The following PLEKHM3 variants were observed in gnomAD, a reference collection of about 807,000 sequenced individuals.
The protein encoded by PLEKHM3 is pleckstrin homology domain containing M3.
In PLEKHM3, 45 loss-of-function variants were observed where a neutral mutation model predicts 81.8. The ratio of observed to expected loss-of-function variants is 0.55; its 90% CI spans 0.43 to 0.71. The LOEUF (loss-of-function observed/expected upper bound fraction) is 0.71. PLEKHM3 is among the 30% of genes least tolerant of loss of function. The probability of loss-of-function intolerance (pLI) is 0.00; values close to 1 mark genes in which losing one functional copy is unlikely to be tolerated. For missense variants in PLEKHM3, 788 were observed against 924.3 expected (o/e 0.85, Z 1.91); for synonymous variants, 352 against 356.4 (o/e 0.99, Z 0.14).
At chr2:207,945,761 C>T (rs538992186) in intron 4 of PLEKHM3, among the ~76,000 whole-genome samples, 4 of 151,980 alleles carry the variant, frequency 2.6e-5, no homozygotes, top group South Asian at 4.2e-4. Flanking sequence ...ATTAGCTGGG[C>T]GTGGTGGCAT....
chr2:208,022,797 C>A (rs903204650), intron 1 of PLEKHM3, among the ~76,000 whole-genome samples: 1 of 152,144 alleles, frequency 6.6e-6, no homozygotes, highest in African/African-American at 2.4e-5. Flanking sequence ...AACTGTGCCA[C>A]ATAACATAAT....
In PLEKHM3 at chr2:207,824,990, C is replaced by G. The variant is rs2092240649; in HGVS notation, c.*3329G>C. 6.6e-6 allele frequency: 1 copy of G among 152,080 alleles called. No individual in the cohort carries two copies. Among genetic ancestry groups the G allele is most frequent in the South Asian group, 2.1e-4 (1 of 4,822 alleles). 9.4% of individuals were successfully genotyped at this position (152,080 alleles called of 1,614,324 possible). A position where few individuals can be genotyped will look rare whatever the true frequency, so the allele number is the denominator to read the frequency against. The stretch of plus-strand genomic sequence containing the variant: ...ATGTTAAAGCTCCTAACTAGGTGAC[C>G]CTTTAGCACTACAGACGTAAAAATG... On this transcript the variant is annotated 3_prime_UTR_variant, in exon 8 of 8. Coordinates refer to ENST00000427836, the MANE Select transcript of PLEKHM3 (RefSeq NM_001080475.3).
At chr2:207,946,626 G>A (rs887606220) in intron 3 of PLEKHM3, 114 bp from the exon 4 acceptor site, 19 of 1,369,120 alleles carry the variant, frequency 1.4e-5, no homozygotes, top group Admixed American at 2.3e-5. Context: ...TACCTAGTCT[G>A]CAACAAAAAA....
intron 7 of PLEKHM3, among the ~76,000 whole-genome samples, chr2:207,836,096 C>G (rs368048889): frequency 6.6e-6 from 1 of 152,188 alleles, no homozygotes; most frequent in African/African-American, 2.4e-5. Context: ...TGTGCCCTGA[C>G]GAACTGGTCC....
chr2:207,883,261 C>G (rs915839909), intron 6 of PLEKHM3, among the ~76,000 whole-genome samples: 2 of 152,174 alleles, frequency 1.3e-5, no homozygotes, highest in African/African-American at 4.8e-5. Flanking sequence ...TCAGATAGCT[C>G]TTTTCTGTGG....
chr2:208,000,269 G>A lies in PLEKHM3; in HGVS notation c.610+761C>T, dbSNP rs182116004. Reference sequence around the variant, plus strand: ...AGGGTCTGCTTGCTCTCTTCTGCACGCCCTTCTCCCCACCTTTGTTTACAC... The same window carrying A: ...AGGGTCTGCTTGCTCTCTTCTGCACACCCTTCTCCCCACCTTTGTTTACAC... On this transcript the variant is annotated intron_variant, in intron 2 of 7. Coordinates refer to ENST00000427836, the MANE Select transcript of PLEKHM3 (RefSeq NM_001080475.3). Among the ~76,000 whole-genome samples the A allele has an allele frequency of 2.4e-3, 371 of 152,210 alleles. 2 individuals carry two copies. The highest frequency in any genetic ancestry group is 8.4e-3 in the African/African-American group (347 of 41,542).
intron 6 of PLEKHM3, among the ~76,000 whole-genome samples, chr2:207,882,839 T>A (rs1687742632): frequency 6.6e-6 from 1 of 151,782 alleles, no homozygotes; most frequent in South Asian, 2.1e-4. Context: ...TTTTTTTTAA[T>A]TTTTTTTCCC....
At position 208,001,135 on chromosome 2, in the gene PLEKHM3, G is replaced by A; in HGVS notation, c.505C>T (p.Gln169Ter). Residue 169 changes from glutamine (Q) to a stop codon, truncating the protein, a stop_gained, in exon 2 of 8, where the codon CAG becomes TAG. Coordinates refer to ENST00000427836, the MANE Select transcript of PLEKHM3 (RefSeq NM_001080475.3). LOFTEE classifies it high-confidence loss of function. The part of the protein sequence containing the change: ...WRVVLKTTPL[Q>*]QQQQQQPLLQ... ...AATGGCTGCTGCTGTTGCTGCTGCT[G>A]CAAAGGCGTGGTTTTGAGGACTACC... The A allele has an allele frequency of 6.2e-7, 1 of 1,609,446 alleles. No homozygotes were observed. Among genetic ancestry groups the A allele is most frequent in the Non-Finnish European group, 8.5e-7 (1 of 1,177,766 alleles).
At chr2:207,901,395 C>T in intron 6 of PLEKHM3, 4 of 700,218 alleles carry the variant, frequency 5.7e-6, no homozygotes, top group South Asian at 4.5e-5. Flanking sequence ...AGCTAACTGG[C>T]CCCATCACCA....
chr2:207,983,241 C>T (rs1045511512), intron 2 of PLEKHM3, among the ~76,000 whole-genome samples: 3 of 151,592 alleles, frequency 2.0e-5, no homozygotes, highest in East Asian at 2.0e-4. Flanking sequence ...TTAGTACAGA[C>T]GGGGTTTCGC....
intron 7 of PLEKHM3, among the ~76,000 whole-genome samples, chr2:207,831,401 G>A (rs747619888): frequency 2.3e-4 from 35 of 152,206 alleles, no homozygotes; most frequent in Non-Finnish European, 4.6e-4. Context: ...CCATCCCAGC[G>A]AGAGCATGGA....
intron 6 of PLEKHM3, among the ~76,000 whole-genome samples, chr2:207,884,845 C>G (rs2621477): frequency 0.41 from 62,291 of 152,092 alleles, 14,717 homozygotes; most frequent in African/African-American, 0.65. Flanking sequence ...CTGCCTACTC[C>G]CAAGGGAACA....
At chr2:208,024,337 C>G (rs1273429838) in intron 1 of PLEKHM3, among the ~76,000 whole-genome samples, 1 of 151,986 alleles carries the variant, frequency 6.6e-6, no homozygotes, top group East Asian at 1.9e-4. Flanking sequence ...ATAGTTTTTG[C>G]TATAAACCAT....
At position 208,001,431 on chromosome 2, in the gene PLEKHM3, C is replaced by G. The variant is rs563426938; in HGVS notation, c.209G>C (p.Gly70Ala). The G allele has an allele frequency of 3.1e-6, 5 of 1,614,154 alleles. No individual in the cohort carries two copies. In the East Asian group the frequency reaches 6.7e-5, roughly 22 times the overall value. Residue 70 changes from glycine (G) to alanine (A), a missense_variant, in exon 2 of 8, where the codon GGC becomes GCC. Coordinates refer to ENST00000427836, the MANE Select transcript of PLEKHM3 (RefSeq NM_001080475.3). The stretch of plus-strand genomic sequence containing the variant: ...GCTCTTACAGTGGTCCCAAATCATG[C>G]CCCCCTTGCCCAGGGAGGTGACATT... ...MRNVTSLGKG[G>A]MIWDHCKSRL...
chr2:208,023,560 C>T (rs918137127), intron 1 of PLEKHM3, among the ~76,000 whole-genome samples: 9 of 152,162 alleles, frequency 5.9e-5, no homozygotes, highest in African/African-American at 1.9e-4. Context: ...TCGGCAGCAG[C>T]ATTAGATTCT....
intron 6 of PLEKHM3, among the ~76,000 whole-genome samples, chr2:207,877,274 G>A (rs1037353242): frequency 2.0e-5 from 3 of 152,204 alleles, no homozygotes; most frequent in African/African-American, 7.2e-5. Context: ...AGGGCAGACA[G>A]TCTGTGATCT....
chr2:207,872,762 G>A (rs2092541510), intron 6 of PLEKHM3, among the ~76,000 whole-genome samples: 2 of 152,190 alleles, frequency 1.3e-5, no homozygotes, highest in Non-Finnish European at 2.9e-5. Flanking sequence ...GGGAGGCGGA[G>A]GTTGCAGTGA....
intron 3 of PLEKHM3, among the ~76,000 whole-genome samples, chr2:207,970,284 A>ACTCT (rs148855811): frequency 0.19 from 28,210 of 149,878 alleles, 3,472 homozygotes; most frequent in African/African-American, 0.35. Flanking sequence ...CAAAAATGAA[A>ACTCT]CTCTCTCTCT....
intron 4 of PLEKHM3, among the ~76,000 whole-genome samples, chr2:207,933,755 A>C (rs1689663016): frequency 1.3e-5 from 2 of 152,226 alleles, no homozygotes; most frequent in African/African-American, 4.8e-5. Context: ...AATTACAAAA[A>C]ACAAAAACAG....
Sources: gnomAD v4.1 joint callset for allele counts (sites outside exome capture counted in the v4.1 genomes callset) on GRCh38, gnomAD v4.1.1 for gene constraint, MANE v1.5 for transcripts, NCBI Gene and HGNC (gene_info 2026-07-23, HGNC 2026-07-21) for gene names.